FAM13A: variants seen among roughly 807,000 people sequenced by gnomAD.
FAM13A encodes family with sequence similarity 13 member A.
A neutral mutation model predicts 129.6 loss-of-function variants in FAM13A; 76 were observed. The ratio of observed to expected loss-of-function variants is 0.59; its 90% CI spans 0.49 to 0.71. The LOEUF (loss-of-function observed/expected upper bound fraction) is 0.71. Ranked by LOEUF, FAM13A falls within the 30% of genes least tolerant of loss-of-function variation. The pLI, the probability that FAM13A is intolerant of heterozygous loss-of-function variation, is 0.00. For synonymous variants in FAM13A, 443 were observed against 449.9 expected, an observed-to-expected ratio of 0.98 and a Z score of 0.20; for missense variants, 1,108 against 1,249.3, an observed-to-expected ratio of 0.89 and a Z score of 1.70.
intron 6 of FAM13A, among the ~76,000 whole-genome samples, chr4:88,865,052 A>C (rs1264849061): frequency 6.6e-6 from 1 of 152,348 alleles, no homozygotes; most frequent in Non-Finnish European, 1.5e-5. Flanking sequence ...ATGTAATTGG[A>C]TTCCTTGGGA....
In FAM13A at chr4:88,738,992, A is replaced by G. The variant is rs1401319410; in HGVS notation, c.2562+38T>C. The G allele has an allele frequency of 3.0e-6, 4 of 1,315,566 alleles. No homozygotes were observed. In the African/African-American group the frequency reaches 5.8e-5, roughly 19 times the overall value. 81.5% of individuals were successfully genotyped at this position (1,315,566 alleles called of 1,614,324 possible). On this transcript the variant is annotated intron_variant, in intron 20 of 23. Coordinates refer to ENST00000264344, the MANE Select transcript of FAM13A (RefSeq NM_014883.4). ...TATATCCAGGGCCCATTCAAGCGGA[A>G]AGGTGTTGTACCAGCCACGGGAAGG... is the stretch of plus-strand genomic sequence containing the variant.
Position 88,879,854 on chromosome 4 carries a change from A to G in FAM13A, c.843+26525T>C, listed in dbSNP as rs187442790. On this transcript the variant is annotated intron_variant, in intron 6 of 23. Transcript: ENST00000264344. ...TTGGGCAGGCAGCATGAGCAAGAAAAAAAAATGTTGTCTTAAGCCATTAAG... is the reference window on the plus strand; with the variant it reads ...TTGGGCAGGCAGCATGAGCAAGAAAGAAAAATGTTGTCTTAAGCCATTAAG... Among the ~76,000 whole-genome samples the G allele has an allele frequency of 2.6e-5, 4 of 152,312 alleles. No homozygotes were observed. The East Asian group carries it at 7.7e-4, about 29-fold the overall frequency.
intron 6 of FAM13A, among the ~76,000 whole-genome samples, chr4:88,852,161 T>C (rs78057166): frequency 8.8e-6 from 1 of 113,804 alleles, no homozygotes; most frequent in Admixed American, 8.0e-5. Flanking sequence ...ACTTCAGGTC[T>C]TTTTTTTTTT....
chr4:88,748,906 C>T (rs1490898909), intron 17 of FAM13A, 46 bp downstream of exon 17: 5 of 1,348,964 alleles, frequency 3.7e-6, no homozygotes, highest in Non-Finnish European at 4.3e-6. Flanking sequence ...AGAGATTCTG[C>T]ACCTGGCTTG....
chr4:88,791,432 T>C (rs539335271), intron 8 of FAM13A, among the ~76,000 whole-genome samples: 1 of 152,198 alleles, frequency 6.6e-6, no homozygotes, highest in African/African-American at 2.4e-5. Context: ...ATAACCACAA[T>C]GAGTGTTGAG....
At chr4:88,937,457 T>C (rs1397774951) in intron 5 of FAM13A, 1 of 152,210 alleles carries the variant, frequency 6.6e-6, no homozygotes, top group African/African-American at 2.4e-5. Flanking sequence ...TTTGTTTGGA[T>C]GTTTACCCTC....
At chr4:88,918,089 T>G (rs918250794) in intron 5 of FAM13A, among the ~76,000 whole-genome samples, 1 of 152,218 alleles carries the variant, frequency 6.6e-6, no homozygotes, top group Non-Finnish European at 1.5e-5. Flanking sequence ...TCCTTTCCTT[T>G]CCTTTTCTTT....
chr4:88,847,205 T>C (rs1422121454), intron 7 of FAM13A, among the ~76,000 whole-genome samples: 7 of 152,156 alleles, frequency 4.6e-5, no homozygotes, highest in Admixed American at 2.0e-4. Context: ...TTTAAGGTTG[T>C]CTGGCTCTAC....
At chr4:88,870,210 G>A (rs1484606540) in intron 6 of FAM13A, among the ~76,000 whole-genome samples, 11 of 152,126 alleles carry the variant, frequency 7.2e-5, no homozygotes, top group African/African-American at 2.4e-4. Context: ...AGCTCCCAGC[G>A]TGATCGATGC....
chr4:88,856,388 G>A (rs1327925525), intron 6 of FAM13A, among the ~76,000 whole-genome samples: 1 of 152,042 alleles, frequency 6.6e-6, no homozygotes, highest in Non-Finnish European at 1.5e-5. Context: ...GGAAGCTGAG[G>A]TGGGAGAATG....
At chr4:88,897,386 T>A (rs1480312148) in intron 6 of FAM13A, among the ~76,000 whole-genome samples, 1 of 152,160 alleles carries the variant, frequency 6.6e-6, no homozygotes, top group African/African-American at 2.4e-5. Context: ...ATCTTTTTCA[T>A]CCTGGACTCA....
intron 3 of FAM13A, among the ~76,000 whole-genome samples, chr4:88,999,213 T>C (rs1763933295): frequency 1.3e-5 from 2 of 152,196 alleles, no homozygotes; most frequent in Non-Finnish European, 2.9e-5. Flanking sequence ...TGATAATGCC[T>C]AAATAGTATC....
At chr4:88,936,854 G>A (rs149553071) in intron 5 of FAM13A, 88 of 151,824 alleles carry the variant, frequency 5.8e-4, no homozygotes, top group African/African-American at 2.1e-3. Flanking sequence ...ATATTTATGG[G>A]GTATATGTGA....
At chr4:88,825,186 G>A (rs1732757242) in intron 7 of FAM13A, among the ~76,000 whole-genome samples, 1 of 150,726 alleles carries the variant, frequency 6.6e-6, no homozygotes, top group Non-Finnish European at 1.5e-5. Flanking sequence ...AGGAATTGTG[G>A]AACCACAGTG....
intron 1 of FAM13A, among the ~76,000 whole-genome samples, chr4:89,053,987 T>A (rs1406157904): frequency 2.0e-5 from 3 of 151,978 alleles, no homozygotes; most frequent in Non-Finnish European, 4.4e-5. Flanking sequence ...TAAAATAACA[T>A]GAACTGGCAA....
intron 7 of FAM13A, among the ~76,000 whole-genome samples, chr4:88,850,211 T>A (rs1490113953): frequency 6.6e-6 from 1 of 152,140 alleles, no homozygotes; most frequent in Admixed American, 6.5e-5. Context: ...TAGTAGTAAA[T>A]AAAATTCAAG....
intron 2 of FAM13A, among the ~76,000 whole-genome samples, chr4:89,026,207 A>C (rs897975958): frequency 5.9e-5 from 9 of 152,230 alleles, no homozygotes; most frequent in Non-Finnish European, 8.8e-5. Flanking sequence ...GCCTCACTCA[A>C]AACCAAGTAT....
intron 5 of FAM13A, among the ~76,000 whole-genome samples, chr4:88,920,874 A>G (rs1044098382): frequency 2.0e-5 from 3 of 152,274 alleles, no homozygotes; most frequent in African/African-American, 7.2e-5. Context: ...ATGGAGCTGA[A>G]AGCCAAAGCT....
chr4:88,828,647 T>G (rs1733410486), intron 7 of FAM13A, among the ~76,000 whole-genome samples: 1 of 152,200 alleles, frequency 6.6e-6, no homozygotes, highest in Non-Finnish European at 1.5e-5. Flanking sequence ...AATGGATACA[T>G]CAATTACTCT....
Sources: allele counts gnomAD v4.1 joint callset (sites outside exome capture counted in the v4.1 genomes callset), GRCh38; gene constraint gnomAD v4.1.1; transcripts MANE v1.5; gene names NCBI Gene and HGNC (gene_info 2026-07-23, HGNC 2026-07-21).